Variants in AFAP1L2 observed in about 807,000 individuals in gnomAD.
AFAP1L2 encodes the protein actin filament associated protein 1 like 2, also known as actin filament-associated protein 1-like 2.
AFAP1L2 carries 46 observed loss-of-function variants against 99.3 expected under a neutral mutation model. The ratio of observed to expected loss-of-function variants is 0.46; its 90% CI spans 0.37 to 0.59. The LOEUF (loss-of-function observed/expected upper bound fraction) is 0.59, where lower values mean the gene tolerates loss of function less well. Among genes scored for constraint, AFAP1L2 ranks in the 20% least tolerant of loss-of-function variants. AFAP1L2 has a pLI of 0.00. For synonymous variants in AFAP1L2, 397 were observed against 419.1 expected (o/e 0.95, Z 0.64); for missense variants, 959 against 1,034.9 (o/e 0.93, Z 1.01).
chr10:114,396,049 G>A (rs2057681280), intron 1 of AFAP1L2, among the ~76,000 whole-genome samples: 1 of 152,196 alleles, frequency 6.6e-6, no homozygotes, highest in Admixed American at 6.5e-5. Flanking sequence ...GGAACAGGTG[G>A]AAGAGACCTG....
At chr10:114,404,999 G>C (rs2058583301), upstream of AFAP1L2, among the ~76,000 whole-genome samples, 1 of 152,208 alleles carries the variant, frequency 6.6e-6, no homozygotes, top group African/African-American at 2.4e-5. Context: ...GGCCTTCCTG[G>C]AGGGGCGAGG....
chr10:114,404,456 CG>C lies in AFAP1L2; in HGVS notation c.-2del. 1.3e-6 allele frequency: 2 copies of C among 1,540,268 alleles called. No individual in the cohort carries two copies. On this transcript the variant is annotated 5_prime_UTR_variant, in exon 1 of 19. Coordinates refer to ENST00000304129, the MANE Select transcript of AFAP1L2 (RefSeq NM_001001936.3). Reference sequence around the variant, plus strand: ...CGCCCTCACCTTTGTACCGCTCCATCGGGGCCACGGAGTGCGCTCCTCGCGG... The same window carrying C: ...CGCCCTCACCTTTGTACCGCTCCATCGGGCCACGGAGTGCGCTCCTCGCGG...
intron 1 of AFAP1L2, among the ~76,000 whole-genome samples, chr10:114,397,545 C>A (rs540020785): frequency 3.9e-5 from 6 of 152,218 alleles, no homozygotes; most frequent in African/African-American, 1.2e-4. Flanking sequence ...TTTACTAAAG[C>A]TTAGGTCCGG....
chr10:114,290,435 C>T (rs1457689930), downstream of AFAP1L2: 24 of 1,533,416 alleles, frequency 1.6e-5, no homozygotes, highest in Admixed American at 4.0e-5. Flanking sequence ...GTCCCACAAA[C>T]TCAGCTGAAG....
In AFAP1L2 at chr10:114,369,588, C is replaced by T. The variant is rs12356738; in HGVS notation, c.17-28857G>A. On this transcript the variant is annotated intron_variant, in intron 1 of 18. Coordinates refer to ENST00000304129, the MANE Select transcript of AFAP1L2 (RefSeq NM_001001936.3). The stretch of plus-strand genomic sequence containing the variant: ...CCAGCCTGGGCCACAGAGCGAGACT[C>T]CGACTCAAAAAAAAAAAAAAAAAAA... 7.4e-3 allele frequency among the ~76,000 whole-genome samples: 979 copies of T among 132,500 alleles called. 8 individuals carry two copies. The highest frequency in any genetic ancestry group is 0.011 in the Non-Finnish European group (681 of 63,092). The allele number at this position is 132,500 out of a possible 152,430, so 86.9% of individuals were successfully genotyped here.
At chr10:114,346,653 C>G (rs75326452) in intron 1 of AFAP1L2, among the ~76,000 whole-genome samples, 1 of 152,208 alleles carries the variant, frequency 6.6e-6, no homozygotes, top group African/African-American at 2.4e-5. Context: ...ACTTTCATTT[C>G]GGTCTCTTCC....
At chr10:114,380,907 C>G (rs555410487) in intron 1 of AFAP1L2, among the ~76,000 whole-genome samples, 1 of 152,274 alleles carries the variant, frequency 6.6e-6, no homozygotes, top group African/African-American at 2.4e-5. Flanking sequence ...TAAAATGGTG[C>G]AGCTGTTTTA....
chr10:114,349,399 AAAAAG>A (rs1554926983), intron 1 of AFAP1L2, among the ~76,000 whole-genome samples: 44 of 141,716 alleles, frequency 3.1e-4, no homozygotes, highest in African/African-American at 9.3e-4. Context: ...AAAAAAAAAA[AAAAAG>A]AAAAGAAAAG....
At chr10:114,367,764 C>A (rs561139611) in intron 1 of AFAP1L2, among the ~76,000 whole-genome samples, 11 of 152,316 alleles carry the variant, frequency 7.2e-5, no homozygotes, top group African/African-American at 2.4e-4. Flanking sequence ...CTGCTCCCCA[C>A]CCTTTTCTAA....
Position 114,331,779 on chromosome 10 carries a change from CAGGGG to C in AFAP1L2, c.315+19_315+23del, listed in dbSNP as rs771176838. The C allele has an allele frequency of 2.8e-5, 37 of 1,330,926 alleles. No individual in the cohort carries two copies. In the South Asian group the frequency reaches 3.3e-4, roughly 12 times the overall value. The allele number at this position is 1,330,926 out of a possible 1,614,324, so 82.4% of individuals were successfully genotyped here. ...TTCAAGGGGCTCACGTCAGGGAAAT[CAGGGG>C]TCCTGAACTGATGCTTACCATCTTG... On this transcript the variant is annotated intron_variant, in intron 4 of 18. Coordinates refer to ENST00000304129, the MANE Select transcript of AFAP1L2 (RefSeq NM_001001936.3).
the AFAP1L2 span, chr10:114,286,202 C>T: frequency 3.7e-6 from 6 of 1,613,894 alleles, no homozygotes; most frequent in Non-Finnish European, 4.2e-6. Flanking sequence ...TGGCCCCACC[C>T]TGACGGGCAG....
At chr10:114,330,982 G>C (rs535880461) in intron 4 of AFAP1L2, among the ~76,000 whole-genome samples, 1 of 152,240 alleles carries the variant, frequency 6.6e-6, no homozygotes, top group South Asian at 2.1e-4. Flanking sequence ...AAGAACTCTG[G>C]AGAGATGAGA....
intron 1 of AFAP1L2, among the ~76,000 whole-genome samples, chr10:114,350,882 A>G (rs2050369260): frequency 6.6e-6 from 1 of 152,204 alleles, no homozygotes; most frequent in Non-Finnish European, 1.5e-5. Context: ...AGCGGCGACC[A>G]GGGTCCAGGC....
chr10:114,306,359 G>GGACGCA (rs1451636506), intron 10 of AFAP1L2, among the ~76,000 whole-genome samples: 39 of 150,562 alleles, frequency 2.6e-4, no homozygotes, highest in Admixed American at 2.4e-3. Context: ...GGGCAGGAGG[G>GGACGCA]GATGCGGGGG....
intron 1 of AFAP1L2, 132 bp downstream of exon 1, chr10:114,404,308 C>A: frequency 9.2e-7 from 1 of 1,085,888 alleles, no homozygotes; most frequent in Non-Finnish European, 1.4e-6. Flanking sequence ...CTCTTAGGCC[C>A]AGGTCCGGGC....
At chr10:114,339,905 G>A (rs961009366) in intron 2 of AFAP1L2, among the ~76,000 whole-genome samples, 12 of 151,510 alleles carry the variant, frequency 7.9e-5, no homozygotes, top group East Asian at 5.9e-4. Flanking sequence ...CAGCTACTCC[G>A]GAAGCTGAGG....
intron 4 of AFAP1L2, among the ~76,000 whole-genome samples, chr10:114,330,876 G>T (rs1486659332): frequency 6.6e-6 from 1 of 152,228 alleles, no homozygotes; most frequent in Non-Finnish European, 1.5e-5. Flanking sequence ...AGTAGCAGGT[G>T]CCATGGAGTG....
chr10:114,353,348 A>G (rs185087023), intron 1 of AFAP1L2, among the ~76,000 whole-genome samples: 10 of 152,356 alleles, frequency 6.6e-5, no homozygotes, highest in Admixed American at 2.0e-4. Context: ...TATACCACTC[A>G]GTAATATGTG....
intron 4 of AFAP1L2, among the ~76,000 whole-genome samples, chr10:114,327,387 C>T (rs2046537845): frequency 6.6e-6 from 1 of 151,538 alleles, no homozygotes; most frequent in African/African-American, 2.4e-5. Context: ...CTCCTGACCT[C>T]AGGTGATCTG....
Sources: allele counts gnomAD v4.1 joint callset (sites outside exome capture counted in the v4.1 genomes callset), GRCh38; gene constraint gnomAD v4.1.1; transcripts MANE v1.5; gene names NCBI Gene and HGNC (gene_info 2026-07-23, HGNC 2026-07-21).